The following COMMD1 variants were observed in gnomAD, a reference collection of about 807,000 sequenced individuals.
COMMD1 encodes COMM domain-containing protein 1.
COMMD1 carries 10 observed loss-of-function variants against 17.2 expected under a neutral mutation model. The ratio of observed to expected loss-of-function variants is 0.58; its 90% CI spans 0.36 to 0.99. The LOEUF is 0.99. Among genes scored for constraint, COMMD1 ranks in the 50% least tolerant of loss-of-function variants. The pLI, the probability that COMMD1 is intolerant of heterozygous loss-of-function variation, is 0.01. For missense variants in COMMD1, 270 were observed against 231.8 expected, an observed-to-expected ratio of 1.17 and a Z score of -1.07; for synonymous variants, 97 against 91.6, an observed-to-expected ratio of 1.06 and a Z score of -0.34.
intron 1 of COMMD1, among the ~76,000 whole-genome samples, chr2:61,932,059 A>C (rs992421321): frequency 5.3e-5 from 8 of 152,122 alleles, no homozygotes; most frequent in Non-Finnish European, 1.0e-4. Flanking sequence ...CAGTGGCGTG[A>C]TCTCAGCTCA....
At chr2:62,016,206 CTTTTTTTTT>C (rs769583167) in intron 2 of COMMD1, among the ~76,000 whole-genome samples, 1 of 112,262 alleles carries the variant, frequency 8.9e-6, no homozygotes, top group African/African-American at 3.5e-5. Flanking sequence ...CTTTTCTTTT[CTTTTTTTTT>C]TTTTTTTTTT....
intron 1 of COMMD1, among the ~76,000 whole-genome samples, chr2:61,891,871 A>G (rs1208559094): frequency 2.0e-5 from 3 of 151,106 alleles, no homozygotes; most frequent in South Asian, 4.2e-4. Context: ...TCGCTCTGTC[A>G]CCCAGGCTGG....
chr2:62,017,592 C>T (rs975683507), intron 2 of COMMD1, among the ~76,000 whole-genome samples: 1 of 151,806 alleles, frequency 6.6e-6, no homozygotes, highest in Non-Finnish European at 1.5e-5. Context: ...ATTGCCTGGG[C>T]CCAGGAGTTT....
chr2:61,912,431 C>T (rs1259531244), intron 1 of COMMD1, among the ~76,000 whole-genome samples: 1 of 152,118 alleles, frequency 6.6e-6, no homozygotes, highest in African/African-American at 2.4e-5. Context: ...TGTTGCCTGT[C>T]TTTAGAAATA....
At chr2:62,026,920 T>A (rs1669774018) in intron 2 of COMMD1, among the ~76,000 whole-genome samples, 1 of 152,240 alleles carries the variant, frequency 6.6e-6, no homozygotes. Flanking sequence ...TCATTGTAAC[T>A]TATGATTCCT....
chr2:61,948,519 T>C (rs1035694592), intron 1 of COMMD1, among the ~76,000 whole-genome samples: 3 of 152,198 alleles, frequency 2.0e-5, no homozygotes, highest in Non-Finnish European at 2.9e-5. Context: ...TATACACATA[T>C]ACAGACAAAA....
chr2:61,996,314 A>ATGTGTGTGTG (rs70946774), intron 1 of COMMD1, among the ~76,000 whole-genome samples: 7 of 142,400 alleles, frequency 4.9e-5, no homozygotes, highest in East Asian at 2.0e-4. Context: ...TGTTTTCTAA[A>ATGTGTGTGTG]TGTGTGTGTG....
chr2:62,085,822 A>C (rs112848292), intron 2 of COMMD1, among the ~76,000 whole-genome samples: 34 of 151,932 alleles, frequency 2.2e-4, no homozygotes, highest in African/African-American at 7.7e-4. Flanking sequence ...TACTAAAAAA[A>C]TACAAAAAAT....
chr2:61,898,114 A>G (rs919247378), intron 1 of COMMD1, among the ~76,000 whole-genome samples: 12 of 152,204 alleles, frequency 7.9e-5, no homozygotes, highest in African/African-American at 2.4e-5. Context: ...GTAAGATTTT[A>G]AGGCAGAGAC....
intron 1 of COMMD1, among the ~76,000 whole-genome samples, chr2:61,994,602 T>G (rs1668698946): frequency 6.6e-6 from 1 of 152,056 alleles, no homozygotes; most frequent in South Asian, 2.1e-4. Flanking sequence ...TTAAATTGAA[T>G]AGTTGATGGA....
chr2:62,017,291 A>T lies in COMMD1; in HGVS notation c.462+16309A>T, dbSNP rs112528168. 4.8e-3 allele frequency among the ~76,000 whole-genome samples: 738 copies of T among 152,326 alleles called. 8 individuals carry two copies. The highest frequency in any genetic ancestry group is 0.016 in the African/African-American group (663 of 41,562). The stretch of plus-strand genomic sequence containing the variant: ...ATGTAACAGTGTTGATCACAAAATT[A>T]GTTTGATCTTTGATCCTGTGATACT... On this transcript the variant is annotated intron_variant, in intron 2 of 2. Transcript: ENST00000311832.
intron 1 of COMMD1, among the ~76,000 whole-genome samples, chr2:61,994,623 G>A (rs560191105): frequency 2.6e-5 from 4 of 152,212 alleles, no homozygotes; most frequent in African/African-American, 7.2e-5. Context: ...ATTTTGGGTT[G>A]TCTGTAGGAA....
intron 1 of COMMD1, among the ~76,000 whole-genome samples, chr2:61,952,405 T>G (rs1170061682): frequency 6.6e-6 from 1 of 152,180 alleles, no homozygotes; most frequent in East Asian, 1.9e-4. Context: ...CTCCTGTAGA[T>G]GACATCACTA....
chr2:61,957,698 C>T (rs892759327), intron 1 of COMMD1, among the ~76,000 whole-genome samples: 17 of 152,174 alleles, frequency 1.1e-4, no homozygotes, highest in Non-Finnish European at 2.1e-4. Flanking sequence ...TGGTGTTTTA[C>T]TGAGTTTCTT....
chr2:62,011,554 A>G (rs572328505), intron 2 of COMMD1, among the ~76,000 whole-genome samples: 3 of 152,128 alleles, frequency 2.0e-5, no homozygotes, highest in Admixed American at 1.3e-4. Flanking sequence ...CTCCCGGCAC[A>G]TGGTGTTCAG....
chr2:61,928,390 G>A (rs1395365112), intron 1 of COMMD1, among the ~76,000 whole-genome samples: 1 of 151,866 alleles, frequency 6.6e-6, no homozygotes, highest in Non-Finnish European at 1.5e-5. Context: ...CAAACTCCTG[G>A]ACTCAAGTGA....
intron 2 of COMMD1, among the ~76,000 whole-genome samples, chr2:62,105,874 A>T (rs1166909306): frequency 1.3e-5 from 2 of 152,230 alleles, no homozygotes; most frequent in Non-Finnish European, 2.9e-5. Flanking sequence ...TTACTGCCGC[A>T]AAGACAGCAC....
At chr2:61,968,956 T>C (rs1444206293) in intron 1 of COMMD1, 3 of 329,548 alleles carry the variant, frequency 9.1e-6, no homozygotes, top group Admixed American at 3.8e-5. Flanking sequence ...TTTTTTTTTT[T>C]TTTTTTTTAA....
At chr2:61,910,805 C>T (rs144356476) in intron 1 of COMMD1, among the ~76,000 whole-genome samples, 19 of 152,214 alleles carry the variant, frequency 1.2e-4, no homozygotes, top group African/African-American at 4.3e-4. Context: ...AATTTTAGGC[C>T]GGGCGCCACG....
Sources: allele counts gnomAD v4.1 joint callset (sites outside exome capture counted in the v4.1 genomes callset), GRCh38; gene constraint gnomAD v4.1.1; transcripts MANE v1.5; gene names NCBI Gene and HGNC (gene_info 2026-07-23, HGNC 2026-07-21).